Variants in SPOCK1 observed in about 807,000 individuals in gnomAD.
SPOCK1 encodes the protein SPARC (osteonectin), cwcv and kazal like domains proteoglycan 1, also known as testican-1.
In SPOCK1, 23 loss-of-function variants were observed where a neutral mutation model predicts 55.3. The observed-to-expected ratio is 0.42, with a 90% CI of 0.30 to 0.59. The LOEUF is 0.59. Ranked by LOEUF, SPOCK1 falls within the 20% of genes least tolerant of loss-of-function variation. The pLI is 0.22. For missense variants in SPOCK1, 499 were observed against 552.5 expected (o/e 0.90, Z 0.97); for synonymous variants, 226 against 221.0 (o/e 1.02, Z -0.20).
intron 6 of SPOCK1, among the ~76,000 whole-genome samples, chr5:136,999,132 A>G: frequency 6.6e-6 from 1 of 152,152 alleles, no homozygotes. Flanking sequence ...CATAGCTTGG[A>G]GTGCAGCATG....
At chr5:137,243,886 G>GCACTAGCAGGGAA (rs1275511304) in intron 3 of SPOCK1, among the ~76,000 whole-genome samples, 3 of 152,148 alleles carry the variant, frequency 2.0e-5, no homozygotes, top group Non-Finnish European at 2.9e-5. Flanking sequence ...TGCATTAACA[G>GCACTAGCAGGGAA]CACTAGCAGG....
chr5:137,148,703 A>G (rs1034763393), intron 3 of SPOCK1, among the ~76,000 whole-genome samples: 2 of 152,192 alleles, frequency 1.3e-5, no homozygotes, highest in African/African-American at 2.4e-5. Context: ...TCCTAATTCA[A>G]CAATAAAGAA....
At chr5:137,331,554 G>A (rs913759602) in intron 2 of SPOCK1, among the ~76,000 whole-genome samples, 18 of 152,190 alleles carry the variant, frequency 1.2e-4, no homozygotes, top group East Asian at 3.8e-4. Flanking sequence ...TGGTGCCGGC[G>A]TCTGCTCAGC....
At chr5:137,087,982 C>T (rs949233055) in intron 5 of SPOCK1, among the ~76,000 whole-genome samples, 1 of 152,174 alleles carries the variant, frequency 6.6e-6, no homozygotes, top group African/African-American at 2.4e-5. Context: ...ACCACTTTCT[C>T]GTGTAAAGCT....
In SPOCK1 at chr5:137,334,515, C is replaced by T. The variant is rs565481826; in HGVS notation, c.187-67460G>A. ...TGTGGGAGGGTTTGGTCGCAGAACG[C>T]GTTCCCTGTGCTTCTTGCTCTGGTG... On this transcript the variant is annotated intron_variant, in intron 2 of 10. Coordinates refer to ENST00000394945, the MANE Select transcript of SPOCK1 (RefSeq NM_004598.4). Among the ~76,000 whole-genome samples the T allele has an allele frequency of 5.3e-5, 8 of 152,294 alleles. No homozygotes were observed. The South Asian group carries it at 1.7e-3, about 32-fold the overall frequency.
intron 3 of SPOCK1, among the ~76,000 whole-genome samples, chr5:137,224,742 A>G (rs1337905830): frequency 2.0e-5 from 3 of 152,174 alleles, no homozygotes; most frequent in African/African-American, 7.2e-5. Context: ...ACTGTTTAAT[A>G]ACAAGAAGAA....
intron 2 of SPOCK1, among the ~76,000 whole-genome samples, chr5:137,294,674 GA>G (rs1395831053): frequency 6.6e-6 from 1 of 152,106 alleles, no homozygotes. Context: ...ACAGAGAAGG[GA>G]AGATGTTCCA....
rs116263276 is a variant in SPOCK1 at position 137,034,877 on chromosome 5, C to T, written c.589+32838G>A. Among the ~76,000 whole-genome samples, 352 of 152,252 alleles carry T rather than the reference C, an allele frequency of 2.3e-3. 2 individuals are homozygous for T. Among genetic ancestry groups the T allele is most frequent in the African/African-American group, 8.1e-3 (337 of 41,534 alleles). ...CAGCTGCATTTTCCAACTGACAAAG[C>T]GTGTCTAGGAGGAAAATTGGAGAAC... On this transcript the variant is annotated intron_variant, in intron 6 of 10. Coordinates refer to ENST00000394945, the MANE Select transcript of SPOCK1 (RefSeq NM_004598.4).
At chr5:137,236,162 C>T (rs186499673) in intron 3 of SPOCK1, among the ~76,000 whole-genome samples, 1 of 152,384 alleles carries the variant, frequency 6.6e-6, no homozygotes, top group East Asian at 1.9e-4. Context: ...AGCCACCTTC[C>T]ATGACTATCT....
chr5:137,012,802 C>T (rs954905140), intron 6 of SPOCK1, among the ~76,000 whole-genome samples: 2 of 152,122 alleles, frequency 1.3e-5, no homozygotes, highest in Non-Finnish European at 2.9e-5. Flanking sequence ...TGATGTTGTA[C>T]TCTTACAACT....
At position 137,428,356 on chromosome 5, in the gene SPOCK1, A is replaced by T. The variant is rs181271507; in HGVS notation, c.186+70017T>A. Among the ~76,000 whole-genome samples, 288 of 152,210 alleles carry T rather than the reference A, an allele frequency of 1.9e-3. 1 individual carries two copies. Among genetic ancestry groups the T allele is most frequent in the Middle Eastern group, 0.014 (4 of 292 alleles). ...TAGGAGAGTCATGTAGGGAAAATGG[A>T]AAGGCAGGGAAGCCCAGTTCAGAGG... On this transcript the variant is annotated intron_variant, in intron 2 of 10. Transcript: ENST00000394945.
chr5:137,142,582 G>C (rs1003283428), intron 3 of SPOCK1, among the ~76,000 whole-genome samples: 1 of 152,200 alleles, frequency 6.6e-6, no homozygotes, highest in African/African-American at 2.4e-5. Context: ...CTGATACTTG[G>C]AGCTTAGCAG....
intron 6 of SPOCK1, chr5:136,993,250 A>T (rs1750982727): frequency 6.6e-6 from 1 of 152,350 alleles, no homozygotes; most frequent in Admixed American, 6.5e-5. Flanking sequence ...GGGCAGACAG[A>T]TACTCCTGAG....
rs115879134 is a variant in SPOCK1, at chr5:137,082,418, G to T, written c.475-14589C>A. On this transcript the variant is annotated intron_variant, in intron 5 of 10. Transcript: ENST00000394945. The stretch of plus-strand genomic sequence containing the variant: ...ATGCCACAAGCCTAACCAGGTGGGT[G>T]GGGATGCTTATGGAGAAAGATCCAC... 6.2e-3 allele frequency among the ~76,000 whole-genome samples: 944 copies of T among 152,302 alleles called. 9 individuals are homozygous for T. The highest frequency in any genetic ancestry group is 0.022 in the African/African-American group (916 of 41,554).
intron 2 of SPOCK1, among the ~76,000 whole-genome samples, chr5:137,373,409 A>G (rs967556064): frequency 6.6e-6 from 1 of 152,228 alleles, no homozygotes; most frequent in Non-Finnish European, 1.5e-5. Context: ...GACTGATTCA[A>G]GACCTCTGTC....
At chr5:137,106,700 A>G (rs945896027) in intron 5 of SPOCK1, among the ~76,000 whole-genome samples, 3 of 152,078 alleles carry the variant, frequency 2.0e-5, no homozygotes, top group Non-Finnish European at 4.4e-5. Context: ...CCTGCCTCCA[A>G]TCCTGCCCCA....
At chr5:137,233,139 T>C (rs1206966925) in intron 3 of SPOCK1, among the ~76,000 whole-genome samples, 1 of 152,218 alleles carries the variant, frequency 6.6e-6, no homozygotes, top group African/African-American at 2.4e-5. Flanking sequence ...AGTTTTTCCA[T>C]GGACCAGGGG....
At position 137,434,480 on chromosome 5, in the gene SPOCK1, C is replaced by CTTTT. The variant is rs146762668; in HGVS notation, c.186+63889_186+63892dup. Among the ~76,000 whole-genome samples, 346 of 68,226 alleles carry CTTTT rather than the reference C, an allele frequency of 5.1e-3. 38 individuals are homozygous for CTTTT. Among genetic ancestry groups the CTTTT allele is most frequent in the Admixed American group, 6.2e-3 (26 of 4,188 alleles). The allele number at this position is 68,226 out of a possible 152,430, so 44.8% of individuals were successfully genotyped here. ...TTTCCCTTCTCCATTTCTTTTTTTT[C>CTTTT]TTTTTTTTTTTTTTTTTTTTTTTTT... On this transcript the variant is annotated intron_variant, in intron 2 of 10. Coordinates refer to ENST00000394945, the MANE Select transcript of SPOCK1 (RefSeq NM_004598.4).
intron 2 of SPOCK1, among the ~76,000 whole-genome samples, chr5:137,443,322 C>T (rs540137338): frequency 6.6e-6 from 1 of 152,280 alleles, no homozygotes; most frequent in South Asian, 2.1e-4. Context: ...GTCTCCTCCT[C>T]CCTCTTTCTT....
Sources: gnomAD v4.1 joint callset for allele counts (sites outside exome capture counted in the v4.1 genomes callset) on GRCh38, gnomAD v4.1.1 for gene constraint, MANE v1.5 for transcripts, NCBI Gene and HGNC (gene_info 2026-07-23, HGNC 2026-07-21) for gene names.